The following PCCA variants were observed in gnomAD, a reference collection of about 807,000 sequenced individuals.
PCCA encodes propionyl-CoA carboxylase subunit alpha, also known as propionyl-CoA carboxylase alpha chain, mitochondrial.
Under a neutral mutation model 101.3 loss-of-function variants are expected in PCCA, and 74 were observed. The ratio of observed to expected loss-of-function variants is 0.73; its 90% CI spans 0.61 to 0.89. The LOEUF is 0.89. Ranked by LOEUF, PCCA falls within the 40% of genes least tolerant of loss-of-function variation. The pLI is 0.00. For missense variants in PCCA, 891 were observed against 907.0 expected, an observed-to-expected ratio of 0.98 and a Z score of 0.23; for synonymous variants, 294 against 313.6, an observed-to-expected ratio of 0.94 and a Z score of 0.66.
At chr13:100,239,413 T>C (rs952813871) in intron 8 of PCCA, among the ~76,000 whole-genome samples, 4 of 152,202 alleles carry the variant, frequency 2.6e-5, no homozygotes, top group Non-Finnish European at 5.9e-5. Flanking sequence ...TGTAAGGTAC[T>C]CAAATGTGTT....
At chr13:100,362,806 A>G (rs984850583) in intron 18 of PCCA, among the ~76,000 whole-genome samples, 6 of 152,224 alleles carry the variant, frequency 3.9e-5, no homozygotes, top group African/African-American at 1.4e-4. Context: ...CAGCATGATT[A>G]TGTGATACAG....
At chr13:100,426,188 C>A (rs931815464) in intron 20 of PCCA, among the ~76,000 whole-genome samples, 28 of 152,222 alleles carry the variant, frequency 1.8e-4, no homozygotes, top group African/African-American at 6.5e-4. Flanking sequence ...ACTTATTAAT[C>A]TTTCTTTTCG....
chr13:100,150,249 G>A (rs1304781451), intron 4 of PCCA, among the ~76,000 whole-genome samples: 1 of 152,008 alleles, frequency 6.6e-6, no homozygotes, highest in Admixed American at 6.5e-5. Context: ...GGTCAGGCTG[G>A]TCTTGAACCC....
At chr13:100,209,488 T>C in intron 7 of PCCA, 25 bp downstream of exon 7, 5 of 1,596,692 alleles carry the variant, frequency 3.1e-6, no homozygotes, top group Non-Finnish European at 4.3e-6. Context: ...TAACTTTTAT[T>C]GTATATGTCT....
intron 6 of PCCA, among the ~76,000 whole-genome samples, chr13:100,186,738 C>CAAAAA (rs376028376): frequency 2.4e-5 from 2 of 84,064 alleles, no homozygotes; most frequent in Non-Finnish European, 4.8e-5. Context: ...GATTCCATCT[C>CAAAAA]AAAAAAAAAA....
intron 23 of PCCA, among the ~76,000 whole-genome samples, chr13:100,528,552 A>G (rs1442777136): frequency 6.6e-6 from 1 of 152,190 alleles, no homozygotes; most frequent in Non-Finnish European, 1.5e-5. Context: ...ATGCTCTGTC[A>G]CTGCAGAAGG....
chr13:100,290,005 C>A (rs2065005630), intron 12 of PCCA, among the ~76,000 whole-genome samples: 1 of 152,072 alleles, frequency 6.6e-6, no homozygotes, highest in Non-Finnish European at 1.5e-5. Context: ...AACTATGTTT[C>A]TTTAGCCCTG....
intron 21 of PCCA, among the ~76,000 whole-genome samples, chr13:100,451,765 C>A (rs188165986): frequency 8.8e-6 from 1 of 114,086 alleles, no homozygotes; most frequent in Admixed American, 9.1e-5. Flanking sequence ...CCTCTCTGTC[C>A]TCTTCCTCTC....
At chr13:100,361,275 G>A (rs1305358344) in intron 18 of PCCA, among the ~76,000 whole-genome samples, 3 of 139,342 alleles carry the variant, frequency 2.2e-5, no homozygotes, top group East Asian at 4.1e-4. Context: ...GAACCTTAAT[G>A]TATGGACTTC....
intron 19 of PCCA, among the ~76,000 whole-genome samples, chr13:100,419,835 A>C (rs2078631482): frequency 6.6e-6 from 1 of 152,248 alleles, no homozygotes; most frequent in Non-Finnish European, 1.5e-5. Context: ...AAAGAGAAGA[A>C]GTCATCTGCT....
intron 8 of PCCA, among the ~76,000 whole-genome samples, chr13:100,238,819 T>C (rs1264881299): frequency 1.3e-5 from 2 of 152,232 alleles, no homozygotes. Context: ...TATATCACAT[T>C]TTAACTATGA....
At chr13:100,428,840 G>T (rs1396396228) in intron 20 of PCCA, among the ~76,000 whole-genome samples, 1 of 152,110 alleles carries the variant, frequency 6.6e-6, no homozygotes, top group South Asian at 2.1e-4. Context: ...CAGCAAGGTG[G>T]GTAGGAACCG....
chr13:100,321,699 A>T (rs139113966), intron 16 of PCCA, among the ~76,000 whole-genome samples: 111 of 152,080 alleles, frequency 7.3e-4, no homozygotes, highest in Non-Finnish European at 1.5e-3. Context: ...ATTCTGATAT[A>T]TATAACTTTT....
chr13:100,089,229 A>G lies in PCCA; in HGVS notation c.105+4A>G. Reference sequence around the variant, plus strand: ...CGCGGCGCTGCGGACCCTGAAGGTGAGGAGCAACGGGGCCTCGCGGGTCCG... The same window carrying G: ...CGCGGCGCTGCGGACCCTGAAGGTGGGGAGCAACGGGGCCTCGCGGGTCCG... On this transcript the variant is annotated splice_donor_region_variant and intron_variant, in intron 1 of 23. Transcript: ENST00000376285. 2 of 1,507,718 alleles carry G rather than the reference A, an allele frequency of 1.3e-6. No individual in the cohort carries two copies. The highest frequency in any genetic ancestry group is 2.7e-5 in the East Asian group (1 of 37,390). The allele number at this position is 1,507,718 out of a possible 1,614,324, so 93.4% of individuals were successfully genotyped here.
intron 19 of PCCA, among the ~76,000 whole-genome samples, chr13:100,388,873 G>T (rs2076660349): frequency 6.6e-6 from 1 of 152,196 alleles, no homozygotes; most frequent in Non-Finnish European, 1.5e-5. Flanking sequence ...TTTATAAATA[G>T]AATGAACAGT....
intron 8 of PCCA, among the ~76,000 whole-genome samples, chr13:100,251,793 C>T (rs956323753): frequency 6.6e-6 from 1 of 152,054 alleles, no homozygotes; most frequent in African/African-American, 2.4e-5. Context: ...TGGAAGAACT[C>T]GAGGATACAA....
chr13:100,480,533 G>T (rs73564391), intron 21 of PCCA, among the ~76,000 whole-genome samples: 1,770 of 152,276 alleles, frequency 0.012, 40 homozygotes, highest in African/African-American at 0.04. Flanking sequence ...TTACAAATGG[G>T]AGGTTGGCTA....
chr13:100,380,200 A>C (rs1385480272), intron 19 of PCCA, among the ~76,000 whole-genome samples: 5 of 152,246 alleles, frequency 3.3e-5, no homozygotes, highest in Admixed American at 3.3e-4. Context: ...CCATCTCTAC[A>C]AAAAAGTTTT....
chr13:100,464,182 G>A (rs1160979325), intron 21 of PCCA, among the ~76,000 whole-genome samples: 1 of 152,068 alleles, frequency 6.6e-6, no homozygotes, highest in Non-Finnish European at 1.5e-5. Context: ...GTGTTCACAG[G>A]AAATTACCAC....
Sources: gnomAD v4.1 joint callset for allele counts (sites outside exome capture counted in the v4.1 genomes callset) on GRCh38, gnomAD v4.1.1 for gene constraint, MANE v1.5 for transcripts, NCBI Gene and HGNC (gene_info 2026-07-23, HGNC 2026-07-21) for gene names.